Variants in FRAS1 observed in about 807,000 individuals in gnomAD.
The protein encoded by FRAS1 is extracellular matrix organizing protein FRAS1.
FRAS1 carries 290 observed loss-of-function variants against 435.2 expected under a neutral mutation model. The ratio of observed to expected loss-of-function variants is 0.67; its 90% CI spans 0.61 to 0.73. FRAS1 has a LOEUF of 0.73. Among genes scored for constraint, FRAS1 ranks in the 30% least tolerant of loss-of-function variants. FRAS1 has a pLI of 0.00. For synonymous variants in FRAS1, 1,800 were observed against 1,851.0 expected (o/e 0.97, Z 0.71); for missense variants, 4,860 against 5,001.5 (o/e 0.97, Z 0.85).
chr4:78,478,530 C>A (rs1719918912), intron 55 of FRAS1, among the ~76,000 whole-genome samples: 1 of 152,046 alleles, frequency 6.6e-6, no homozygotes. Context: ...AAATAAAGGG[C>A]AATTCTTTTT....
chr4:78,316,175 A>G (rs1410531423), intron 16 of FRAS1, among the ~76,000 whole-genome samples: 1 of 152,212 alleles, frequency 6.6e-6, no homozygotes, highest in African/African-American at 2.4e-5. Flanking sequence ...ATCTACTGGA[A>G]ACTTGTTTTT....
chr4:78,366,763 C>T (rs1731289579), intron 22 of FRAS1, among the ~76,000 whole-genome samples: 1 of 152,158 alleles, frequency 6.6e-6, no homozygotes, highest in Non-Finnish European at 1.5e-5. Context: ...CAGAGAACTG[C>T]CCCTGCTACT....
chr4:78,229,944 C>CTCCA (rs1724451251), intron 2 of FRAS1, among the ~76,000 whole-genome samples: 1 of 152,188 alleles, frequency 6.6e-6, no homozygotes, highest in South Asian at 2.1e-4. Context: ...GTCTCCCTAC[C>CTCCA]TCCACCCTTG....
At chr4:78,082,706 C>A (rs1740950326) in intron 2 of FRAS1, among the ~76,000 whole-genome samples, 1 of 152,042 alleles carries the variant, frequency 6.6e-6, no homozygotes, top group Non-Finnish European at 1.5e-5. Flanking sequence ...AAAGGAAAGA[C>A]TTTGTTATAG....
chr4:78,287,190 C>A (rs1727653032), intron 14 of FRAS1, among the ~76,000 whole-genome samples: 1 of 151,614 alleles, frequency 6.6e-6, no homozygotes, highest in Admixed American at 6.6e-5. Context: ...GGGGAAGTGC[C>A]ACTTTTAAAC....
intron 2 of FRAS1, among the ~76,000 whole-genome samples, chr4:78,175,878 T>A (rs1466076351): frequency 6.6e-6 from 1 of 152,168 alleles, no homozygotes; most frequent in Non-Finnish European, 1.5e-5. Flanking sequence ...ATGCCTTGGC[T>A]GAGAGCATGG....
intron 2 of FRAS1, among the ~76,000 whole-genome samples, chr4:78,069,737 G>T (rs181298733): frequency 6.6e-6 from 1 of 151,738 alleles, no homozygotes; most frequent in Non-Finnish European, 1.5e-5. Context: ...GGAAGGGCCA[G>T]TTGTTAAGCA....
chr4:78,189,887 A>G (rs1290326243), intron 2 of FRAS1, among the ~76,000 whole-genome samples: 2 of 151,918 alleles, frequency 1.3e-5, no homozygotes, highest in Non-Finnish European at 2.9e-5. Flanking sequence ...GTTGTTTCTA[A>G]TTCTACCCTC....
chr4:78,105,685 G>C (rs1033222414), intron 2 of FRAS1, among the ~76,000 whole-genome samples: 2 of 152,138 alleles, frequency 1.3e-5, no homozygotes, highest in Non-Finnish European at 2.9e-5. Flanking sequence ...GATAAAATAA[G>C]AAATGTGACA....
chr4:78,380,991 A>G (rs923015), intron 27 of FRAS1, among the ~76,000 whole-genome samples: 96,294 of 152,028 alleles, frequency 0.63, 30,634 homozygotes, highest in African/African-American at 0.66. Flanking sequence ...TGAACTATGT[A>G]TCTCATGTTG....
chr4:78,271,377 A>G (rs894286913), intron 9 of FRAS1, among the ~76,000 whole-genome samples: 46 of 151,994 alleles, frequency 3.0e-4, no homozygotes, highest in Non-Finnish European at 6.2e-4. Flanking sequence ...GGTTTGTTAC[A>G]TATGTATACA....
intron 2 of FRAS1, among the ~76,000 whole-genome samples, chr4:78,081,226 A>G (rs1740879107): frequency 6.6e-6 from 1 of 152,172 alleles, no homozygotes; most frequent in Non-Finnish European, 1.5e-5. Context: ...CCTCGTGGAA[A>G]TCTAGACCAG....
intron 5 of FRAS1, 43 bp downstream of exon 5, chr4:78,252,594 G>T: frequency 6.4e-7 from 1 of 1,569,982 alleles, no homozygotes; most frequent in Non-Finnish European, 8.7e-7. Context: ...TGCTTGGGAG[G>T]TTCACATGGC....
intron 55 of FRAS1, 104 bp downstream of exon 55, chr4:78,478,165 T>G: frequency 7.9e-7 from 1 of 1,268,748 alleles, no homozygotes; most frequent in Admixed American, 2.6e-5. Context: ...TTAACTCACA[T>G]GTGTACTTTC....
chr4:78,098,866 CA>C (rs1310541837), intron 2 of FRAS1, among the ~76,000 whole-genome samples: 1 of 152,124 alleles, frequency 6.6e-6, no homozygotes, highest in Non-Finnish European at 1.5e-5. Context: ...GAGCTAAGCC[CA>C]AATGAATCTC....
intron 24 of FRAS1, 85 bp downstream of exon 24, chr4:78,372,943 A>G: frequency 7.1e-7 from 1 of 1,413,602 alleles, no homozygotes; most frequent in Non-Finnish European, 9.4e-7. Context: ...AACAGTGGCA[A>G]GTTTCCCCTT....
At chr4:78,182,652 C>T (rs1187476207) in intron 2 of FRAS1, among the ~76,000 whole-genome samples, 1 of 151,802 alleles carries the variant, frequency 6.6e-6, no homozygotes, top group Non-Finnish European at 1.5e-5. Flanking sequence ...CCGAGGCAGG[C>T]GGATCATTTG....
intron 2 of FRAS1, among the ~76,000 whole-genome samples, chr4:78,117,113 A>C (rs944158348): frequency 6.6e-6 from 1 of 152,170 alleles, no homozygotes; most frequent in African/African-American, 2.4e-5. Context: ...TGGATTTGAA[A>C]TTCTGGGTTG....
chr4:78,356,928 A>T (rs1292881610), intron 20 of FRAS1, among the ~76,000 whole-genome samples: 1 of 152,134 alleles, frequency 6.6e-6, no homozygotes, highest in Non-Finnish European at 1.5e-5. Flanking sequence ...AATTGCCTTT[A>T]CCATAAAATC....
Sources: gnomAD v4.1 joint callset for allele counts (sites outside exome capture counted in the v4.1 genomes callset) on GRCh38, gnomAD v4.1.1 for gene constraint, MANE v1.5 for transcripts, NCBI Gene and HGNC (gene_info 2026-07-23, HGNC 2026-07-21) for gene names.